The following VTI1A variants were observed in gnomAD, a reference collection of about 807,000 sequenced individuals.
VTI1A encodes the protein vesicle transport through interaction with t-SNAREs 1A, also known as vesicle transport through interaction with t-SNAREs homolog 1A.
Under a neutral mutation model 34.9 loss-of-function variants are expected in VTI1A, and 22 were observed. The observed-to-expected ratio is 0.63, with a 90% CI of 0.45 to 0.90. The LOEUF is 0.90. VTI1A is among the 40% of genes least tolerant of loss of function. VTI1A has a pLI of 0.00. For missense variants in VTI1A, 268 were observed against 275.6 expected (o/e 0.97, Z 0.20); for synonymous variants, 87 against 97.3 (o/e 0.89, Z 0.62).
At chr10:112,604,938 C>T (rs571799347) in intron 5 of VTI1A, among the ~76,000 whole-genome samples, 1 of 152,268 alleles carries the variant, frequency 6.6e-6, no homozygotes, top group South Asian at 2.1e-4. Flanking sequence ...TAATTCTGTA[C>T]ATCTATCTCT....
At chr10:112,747,737 C>T (rs1312760576) in intron 7 of VTI1A, among the ~76,000 whole-genome samples, 4 of 152,302 alleles carry the variant, frequency 2.6e-5, no homozygotes, top group Non-Finnish European at 4.4e-5. Context: ...AGGAGGCCCT[C>T]AAAGAGGAAT....
chr10:112,726,628 C>T (rs1850037046), intron 7 of VTI1A, among the ~76,000 whole-genome samples: 1 of 152,162 alleles, frequency 6.6e-6, no homozygotes, highest in Non-Finnish European at 1.5e-5. Context: ...TTTATCTTAA[C>T]CATTTTGAGG....
At chr10:112,692,034 G>T (rs1848632770) in intron 7 of VTI1A, among the ~76,000 whole-genome samples, 1 of 152,200 alleles carries the variant, frequency 6.6e-6, no homozygotes, top group South Asian at 2.1e-4. Context: ...TAATTAATAA[G>T]ATAAAGATAG....
intron 7 of VTI1A, among the ~76,000 whole-genome samples, chr10:112,773,933 C>T (rs1430168739): frequency 2.0e-5 from 3 of 152,182 alleles, no homozygotes; most frequent in Admixed American, 6.5e-5. Flanking sequence ...TGAGTAGCCA[C>T]TGACATAAAC....
the VTI1A span, among the ~76,000 whole-genome samples, chr10:112,846,238 A>T: frequency 6.8e-4 from 103 of 152,192 alleles, no homozygotes; most frequent in African/African-American, 2.4e-3. Context: ...GTTCTGTTGG[A>T]TCTCCTCTTG....
the VTI1A span, chr10:112,827,576 T>C: frequency 6.6e-6 from 1 of 152,224 alleles, no homozygotes; most frequent in East Asian, 1.9e-4. Flanking sequence ...AAAATCTATT[T>C]ATTTGCTTTA....
intron 5 of VTI1A, among the ~76,000 whole-genome samples, chr10:112,665,157 TATTC>T (rs1478495936): frequency 6.6e-6 from 1 of 152,206 alleles, no homozygotes; most frequent in African/African-American, 2.4e-5. Flanking sequence ...TCAGTTAAAT[TATTC>T]AAGAAAAATA....
chr10:112,705,598 C>T (rs1466483193), intron 7 of VTI1A, among the ~76,000 whole-genome samples: 3 of 152,152 alleles, frequency 2.0e-5, no homozygotes, highest in Admixed American at 6.5e-5. Flanking sequence ...CCACTTTCCA[C>T]GTTTTGCCCA....
At chr10:112,494,558 G>A (rs1848945334) in intron 3 of VTI1A, among the ~76,000 whole-genome samples, 2 of 151,994 alleles carry the variant, frequency 1.3e-5, no homozygotes, top group South Asian at 4.1e-4. Flanking sequence ...GCCAAGGCTG[G>A]AATGCAGTGG....
chr10:112,621,752 C>G (rs1249986679), intron 5 of VTI1A, among the ~76,000 whole-genome samples: 1 of 152,174 alleles, frequency 6.6e-6, no homozygotes, highest in African/African-American at 2.4e-5. Context: ...GCACGAAATC[C>G]TTAATTGTCC....
intron 7 of VTI1A, among the ~76,000 whole-genome samples, chr10:112,723,685 C>T (rs1306238445): frequency 1.3e-5 from 2 of 152,120 alleles, no homozygotes; most frequent in Admixed American, 1.3e-4. Context: ...GTGTCCTAAT[C>T]GTTTAAAAAG....
chr10:112,844,588 G>A, the VTI1A span, among the ~76,000 whole-genome samples: 5 of 152,278 alleles, frequency 3.3e-5, no homozygotes, highest in African/African-American at 4.8e-5. Context: ...TAGTAGAGAC[G>A]GAGTTTCACC....
At chr10:112,521,177 A>G (rs1589857668) in intron 3 of VTI1A, among the ~76,000 whole-genome samples, 1 of 152,064 alleles carries the variant, frequency 6.6e-6, no homozygotes, top group Non-Finnish European at 1.5e-5. Flanking sequence ...ACTTAGAGGA[A>G]TGACTACATA....
chr10:112,527,141 G>A lies in VTI1A; in HGVS notation c.319G>A (p.Asp107Asn). Residue 107 changes from aspartate (D) to asparagine (N), a missense_variant, in exon 4 of 8, where the codon GAT becomes AAT. Coordinates refer to ENST00000393077, the MANE Select transcript of VTI1A (RefSeq NM_145206.4). ...AGTACGGAATGAGCTCCTGGGGGAT[G>A]ATGGGAATTCCTCAGAGAACCAGGT... ...DEVRNELLGD[D>N]GNSSENQRAH... 1 of 1,613,524 alleles carries A rather than the reference G, an allele frequency of 6.2e-7. No homozygotes were observed. The highest frequency in any genetic ancestry group is 8.5e-7 in the Non-Finnish European group (1 of 1,179,658).
intron 7 of VTI1A, among the ~76,000 whole-genome samples, chr10:112,670,714 A>C (rs1335537695): frequency 1.3e-5 from 2 of 152,202 alleles, no homozygotes; most frequent in African/African-American, 4.8e-5. Flanking sequence ...TCAGAAGCCT[A>C]CGGAAGAAAA....
At chr10:112,450,816 T>A (rs1172915210) in intron 1 of VTI1A, 1 of 152,200 alleles carries the variant, frequency 6.6e-6, no homozygotes, top group Non-Finnish European at 1.5e-5. Context: ...AACATTGTTT[T>A]TTTAATTATT....
intron 7 of VTI1A, among the ~76,000 whole-genome samples, chr10:112,753,192 C>G (rs923127921): frequency 6.6e-6 from 1 of 151,850 alleles, no homozygotes; most frequent in Non-Finnish European, 1.5e-5. Context: ...TTAGACTCAA[C>G]AACTTATTTT....
chr10:112,855,195 C>G, the VTI1A span, among the ~76,000 whole-genome samples: 10 of 152,270 alleles, frequency 6.6e-5, no homozygotes, highest in South Asian at 2.1e-4. Context: ...TTTTGTCACT[C>G]TCTGCAGGCC....
At chr10:112,852,769 G>A in the VTI1A span, among the ~76,000 whole-genome samples, 17 of 152,056 alleles carry the variant, frequency 1.1e-4, 1 homozygote, top group African/African-American at 4.1e-4. Flanking sequence ...TCTTGGTTTT[G>A]TTTTGTTTTG....
Sources: gnomAD v4.1 joint callset for allele counts (sites outside exome capture counted in the v4.1 genomes callset) on GRCh38, gnomAD v4.1.1 for gene constraint, MANE v1.5 for transcripts, NCBI Gene and HGNC (gene_info 2026-07-23, HGNC 2026-07-21) for gene names.